IL16: variants seen among roughly 807,000 people sequenced by gnomAD.
IL16 encodes the protein pro-interleukin-16.
In IL16, 67 loss-of-function variants were observed where a neutral mutation model predicts 110.1. That is an observed-to-expected ratio of 0.61 (90% CI 0.50 to 0.75). The LOEUF (loss-of-function observed/expected upper bound fraction) is 0.75, where lower values mean the gene tolerates loss of function less well. IL16 is among the 30% of genes least tolerant of loss of function. The probability of loss-of-function intolerance (pLI) is 0.00; values close to 1 mark genes in which losing one functional copy is unlikely to be tolerated. For synonymous variants in IL16, 689 were observed against 662.9 expected, an observed-to-expected ratio of 1.04 and a Z score of -0.61; for missense variants, 1,545 against 1,655.0, an observed-to-expected ratio of 0.93 and a Z score of 1.15.
intron 1 of IL16, among the ~76,000 whole-genome samples, chr15:81,212,608 A>T (rs993343986): frequency 2.0e-5 from 3 of 152,006 alleles, no homozygotes; most frequent in African/African-American, 7.3e-5. Flanking sequence ...AGTAACTGGG[A>T]TTACAGGCTC....
chr15:81,203,094 C>G (rs1187424924), intron 1 of IL16, among the ~76,000 whole-genome samples: 1 of 151,982 alleles, frequency 6.6e-6, no homozygotes, highest in Non-Finnish European at 1.5e-5. Context: ...AGCACTTTTT[C>G]ATGTGTCTGT....
intron 2 of IL16, among the ~76,000 whole-genome samples, chr15:81,256,614 G>T (rs554256855): frequency 6.6e-6 from 1 of 152,250 alleles, no homozygotes; most frequent in African/African-American, 2.4e-5. Context: ...AAAGTGCAGG[G>T]ATTACAGGTG....
intron 1 of IL16, among the ~76,000 whole-genome samples, chr15:81,213,712 T>C (rs2141998678): frequency 6.6e-6 from 1 of 152,358 alleles, no homozygotes; most frequent in Non-Finnish European, 1.5e-5. Context: ...CTGTTCTTTT[T>C]TGTTTTCCAT....
rs74490583 is a variant in IL16, at chr15:81,207,597, C to T, written c.-102+10445C>T. On this transcript the variant is annotated intron_variant, in intron 1 of 18. Coordinates refer to ENST00000683961, the MANE Select transcript of IL16 (RefSeq NM_172217.5). ...CTATGTGGCCAATCTTTAGCTCCTA[C>T]TTACAAGTGAGAACTTGAAGTATTC... Among the ~76,000 whole-genome samples, 388 of 147,324 alleles carry T rather than the reference C, an allele frequency of 2.6e-3. 2 individuals are homozygous for T. The highest frequency in any genetic ancestry group is 9.2e-3 in the African/African-American group (374 of 40,650).
At chr15:81,256,111 C>T (rs1897934794) in intron 2 of IL16, among the ~76,000 whole-genome samples, 1 of 152,176 alleles carries the variant, frequency 6.6e-6, no homozygotes, top group Non-Finnish European at 1.5e-5. Context: ...TGTCTGCTGT[C>T]ACATCCTCAG....
At chr15:81,261,090 T>C (rs1898133522) in intron 3 of IL16, among the ~76,000 whole-genome samples, 1 of 152,254 alleles carries the variant, frequency 6.6e-6, no homozygotes, top group African/African-American at 2.4e-5. Flanking sequence ...GTTTTTCTCC[T>C]TTCCCTTTCT....
rs11325 is a variant in IL16 at position 81,308,999 on chromosome 15, G to A, written c.*201G>A. 1.2e-5 allele frequency: 6 copies of A among 488,866 alleles called. No individual in the cohort carries two copies. The highest frequency in any genetic ancestry group is 1.1e-4 in the South Asian group (3 of 28,430). The allele number at this position is 488,866 out of a possible 1,614,324, so 30.3% of individuals were successfully genotyped here. A position where few individuals can be genotyped will look rare whatever the true frequency, so the allele number is the denominator to read the frequency against. On this transcript the variant is annotated 3_prime_UTR_variant, in exon 19 of 19. Transcript: ENST00000683961. The stretch of plus-strand genomic sequence containing the variant: ...TCCTAAAATAAGGGCAGAGTCACAC[G>A]GGGGCAGCTGATACAAATTGCAGAC...
rs749694344 is a variant in IL16 at position 81,269,611 on chromosome 15, T to C, written c.638T>C (p.Val213Ala). 6.2e-7 allele frequency: 1 copy of C among 1,613,980 alleles called. No homozygotes were observed. The highest frequency in any genetic ancestry group is 2.2e-5 in the East Asian group (1 of 44,890). The change falls in exon 5 of 19, where the codon GTC becomes GCC. Residue 213 changes from valine (V) to alanine (A), a missense_variant. This residue lies in a region of IL16 where 1,185 missense variants were observed against 1,238.8 expected (regional missense o/e 0.96). Coordinates refer to ENST00000683961, the MANE Select transcript of IL16 (RefSeq NM_172217.5). The stretch of plus-strand genomic sequence containing the variant: ...CCATCTGGGGGCCTCCAGGCTTCAG[T>C]CATCTCCAACATCGTGCTGATGAAG... Reference protein sequence around the residue: ...VQPSGGLQASVISNIVLMKGQ... With the variant: ...VQPSGGLQASAISNIVLMKGQ...
chr15:81,247,801 A>C (rs188358723), intron 2 of IL16, among the ~76,000 whole-genome samples: 1 of 152,094 alleles, frequency 6.6e-6, no homozygotes, highest in South Asian at 2.1e-4. Flanking sequence ...GCAGCAACTC[A>C]TCTGTTTTCT....
chr15:81,274,050 AC>A (rs1285961058), intron 6 of IL16, among the ~76,000 whole-genome samples: 4 of 152,122 alleles, frequency 2.6e-5, no homozygotes, highest in Admixed American at 6.6e-5. Flanking sequence ...GGCAGAGAGT[AC>A]CCACTGCAGG....
At chr15:81,244,757 T>C (rs1897476424) in intron 2 of IL16, among the ~76,000 whole-genome samples, 1 of 152,194 alleles carries the variant, frequency 6.6e-6, no homozygotes, top group Non-Finnish European at 1.5e-5. Flanking sequence ...AGCCATTATT[T>C]ATGAATCCCA....
intron 11 of IL16, chr15:81,292,305 G>T (rs1445796319): frequency 5.5e-6 from 3 of 542,532 alleles, no homozygotes; most frequent in Non-Finnish European, 1.0e-5. Context: ...CTCGATGGGT[G>T]ATCTGGGTGG....
chr15:81,227,064 G>C (rs566258821), intron 2 of IL16, among the ~76,000 whole-genome samples: 8 of 152,102 alleles, frequency 5.3e-5, no homozygotes, highest in African/African-American at 1.7e-4. Context: ...TTAAGATAGA[G>C]TGAAAAATAC....
In IL16 at chr15:81,279,764, T is replaced by C. The variant is rs747639609; in HGVS notation, c.1071T>C (p.Ser357=). ...ATTACAGAATCATGGTGGAGGTTTC[T>C]CTGCAGAAAGGTAGGAGTGCTGCAG... The part of the protein sequence containing the change: ...KPNYRIMVEV[S]LQKEAGVGLG... The change falls in exon 8 of 19, where the codon TCT becomes TCC. Residue 357 remains serine, a synonymous_variant. Coordinates refer to ENST00000683961, the MANE Select transcript of IL16 (RefSeq NM_172217.5). 1.5e-5 allele frequency: 25 copies of C among 1,614,182 alleles called. No homozygotes were observed. The Admixed American group carries it at 4.0e-4, about 26-fold the overall frequency.
chr15:81,240,476 A>C (rs181196455), intron 2 of IL16, among the ~76,000 whole-genome samples: 1 of 152,164 alleles, frequency 6.6e-6, no homozygotes, highest in Admixed American at 6.6e-5. Flanking sequence ...TTCCATCAGC[A>C]GGTGTAAGTT....
rs562846997 is a variant in IL16 at position 81,313,503 on chromosome 15, T to C, written c.*4705T>C. On this transcript the variant is annotated 3_prime_UTR_variant, in exon 19 of 19. Coordinates refer to ENST00000683961, the MANE Select transcript of IL16 (RefSeq NM_172217.5). The stretch of plus-strand genomic sequence containing the variant: ...GAGCCCAGCCCAGTGGAAATGGCCA[T>C]GATACAGTGATCGCGTCTCATCCCT... The C allele has an allele frequency of 4.8e-4, 566 of 1,176,548 alleles. 4 individuals carry two copies. The highest frequency in any genetic ancestry group is 1.2e-3 in the Middle Eastern group (4 of 3,220). The allele number at this position is 1,176,548 out of a possible 1,614,324, so 72.9% of individuals were successfully genotyped here.
At chr15:81,291,844 T>C (rs1899731440) in intron 11 of IL16, 1 of 450,492 alleles carries the variant, frequency 2.2e-6, no homozygotes, top group African/African-American at 2.0e-5. Flanking sequence ...CAAAGTGCCT[T>C]GACAGGTAGT....
chr15:81,196,848 A>G (rs1233478037), upstream of IL16: 2 of 1,151,916 alleles, frequency 1.7e-6, no homozygotes, highest in Non-Finnish European at 2.2e-6. Flanking sequence ...TCAGATCAGG[A>G]GTCTTCGAGC....
intron 4 of IL16, among the ~76,000 whole-genome samples, chr15:81,267,403 CTA>C (rs1489530610): frequency 1.3e-5 from 2 of 152,102 alleles, no homozygotes; most frequent in Non-Finnish European, 2.9e-5. Flanking sequence ...CAATTAGACA[CTA>C]TGTTAGTTGG....
Sources: allele counts gnomAD v4.1 joint callset (sites outside exome capture counted in the v4.1 genomes callset), GRCh38; gene constraint gnomAD v4.1.1; regional missense constraint gnomAD v4.1.1; transcripts MANE v1.5; gene names NCBI Gene and HGNC (gene_info 2026-07-23, HGNC 2026-07-21).